Variants in PCDH11X observed in about 807,000 individuals in gnomAD.
The protein encoded by PCDH11X is protocadherin-11 X-linked.
In PCDH11X, 18 loss-of-function variants were observed where a neutral mutation model predicts 53.3. The observed-to-expected ratio is 0.34, with a 90% confidence interval of 0.23 to 0.50. PCDH11X has a LOEUF of 0.50. Among genes scored for constraint, PCDH11X ranks in the 20% least tolerant of loss-of-function variants. The pLI, the probability that PCDH11X is intolerant of heterozygous loss-of-function variation, is 0.98. For missense variants in PCDH11X, 570 were observed against 1,032.4 expected (o/e 0.55, Z 6.14); for synonymous variants, 279 against 393.3 (o/e 0.71, Z 3.44).
intron 8 of PCDH11X, among the ~76,000 whole-genome samples, chrX:92,333,822 A>G (rs1014671125): frequency 9.2e-6 from 1 of 109,246 alleles, no homozygotes; most frequent in Non-Finnish European, 1.9e-5. Flanking sequence ...GAAAAACCAT[A>G]AAGTATTTTA....
intron 9 of PCDH11X, among the ~76,000 whole-genome samples, chrX:92,400,461 T>C (rs2148588072): frequency 9.1e-6 from 1 of 110,269 alleles, no homozygotes; most frequent in African/African-American, 3.3e-5. Flanking sequence ...GGTGCTGGAC[T>C]GTTTTATTTG....
At chrX:91,910,663 G>T (rs1472158647) in intron 6 of PCDH11X, among the ~76,000 whole-genome samples, 19 of 110,802 alleles carry the variant, frequency 1.7e-4, no homozygotes, top group Non-Finnish European at 2.3e-4. Flanking sequence ...TGCAAGTATA[G>T]AAAAACATAT....
chrX:92,187,341 C>A (rs1388835240), intron 6 of PCDH11X, among the ~76,000 whole-genome samples: 2 of 111,800 alleles, frequency 1.8e-5, no homozygotes, highest in Non-Finnish European at 3.8e-5. Context: ...TTACAAAGAC[C>A]CTTGTGATTA....
At position 92,588,515 on chromosome X, in the gene PCDH11X, A is replaced by G. The variant is rs777207225; in HGVS notation, c.3368-29749A>G. On this transcript the variant is annotated intron_variant, in intron 10 of 10. Coordinates refer to ENST00000682573, the MANE Select transcript of PCDH11X (RefSeq NM_032968.5). ...TGGAGTTGAAAAATACAATTGTCATACTAAGAAAGCATTAGTCTTTTAATA... is the reference window on the plus strand; with the variant it reads ...TGGAGTTGAAAAATACAATTGTCATGCTAAGAAAGCATTAGTCTTTTAATA... Among the ~76,000 whole-genome samples, 3 of 107,400 alleles carry G rather than the reference A, an allele frequency of 2.8e-5. No individual in the cohort carries two copies. In the East Asian group the frequency reaches 8.8e-4, roughly 31 times the overall value. The allele number at this position is 107,400 out of a possible 115,157, so 93.3% of individuals were successfully genotyped here.
At chrX:92,518,662 CCTT>C (rs1380907981) in intron 10 of PCDH11X, among the ~76,000 whole-genome samples, 1 of 110,688 alleles carries the variant, frequency 9.0e-6, no homozygotes, top group Non-Finnish European at 1.9e-5. Context: ...CTGTTTAAGA[CCTT>C]CTGCGAGCAT....
intron 10 of PCDH11X, among the ~76,000 whole-genome samples, chrX:92,559,513 A>C (rs771014574): frequency 1.8e-5 from 2 of 110,964 alleles, no homozygotes; most frequent in Admixed American, 9.6e-5. Context: ...ATCATAGTAC[A>C]TGGTTTTAAT....
intron 8 of PCDH11X, among the ~76,000 whole-genome samples, chrX:92,290,234 C>T (rs1270898252): frequency 1.8e-5 from 2 of 111,730 alleles, no homozygotes; most frequent in African/African-American, 6.5e-5. Flanking sequence ...ATAAAATTTG[C>T]TAATTTTTAC....
intron 10 of PCDH11X, among the ~76,000 whole-genome samples, chrX:92,552,995 G>A (rs1193402150): frequency 2.0e-4 from 4 of 19,831 alleles, no homozygotes; most frequent in Non-Finnish European, 3.2e-4. Flanking sequence ...TGCAATTTTC[G>A]TGTGTGTGTG....
chrX:92,445,105 A>G (rs2072606562), intron 9 of PCDH11X, among the ~76,000 whole-genome samples: 1 of 88,938 alleles, frequency 1.1e-5, no homozygotes, highest in South Asian at 5.8e-4. Context: ...TTTCTCCTTG[A>G]TTTTTTGGAA....
intron 6 of PCDH11X, among the ~76,000 whole-genome samples, chrX:92,063,369 TA>T: frequency 9.0e-6 from 1 of 111,459 alleles, no homozygotes; most frequent in Non-Finnish European, 1.9e-5. Context: ...TCAAAATTTT[TA>T]AAAAAATTCT....
chrX:91,802,528 T>C (rs987224992), intron 1 of PCDH11X, among the ~76,000 whole-genome samples: 4 of 111,604 alleles, frequency 3.6e-5, no homozygotes, highest in African/African-American at 1.3e-4. Context: ...AATTTCCATA[T>C]ATTTATTAAT....
intron 7 of PCDH11X, among the ~76,000 whole-genome samples, chrX:92,214,604 C>T (rs1315232127): frequency 1.8e-5 from 2 of 111,724 alleles, no homozygotes; most frequent in African/African-American, 6.5e-5. Flanking sequence ...CGTTTTTTCC[C>T]TCCAATCCCA....
intron 10 of PCDH11X, among the ~76,000 whole-genome samples, chrX:92,528,532 A>G (rs2074500223): frequency 9.0e-6 from 1 of 111,418 alleles, no homozygotes; most frequent in Non-Finnish European, 1.9e-5. Flanking sequence ...ACCTCAGGTG[A>G]TCCACCTGCC....
At chrX:92,386,587 G>A (rs1229402561) in intron 8 of PCDH11X, among the ~76,000 whole-genome samples, 3 of 110,941 alleles carry the variant, frequency 2.7e-5, no homozygotes, top group Non-Finnish European at 5.7e-5. Flanking sequence ...AGTAGGGGGT[G>A]CTCAAATGTC....
At chrX:92,274,525 C>A (rs898744496) in intron 8 of PCDH11X, among the ~76,000 whole-genome samples, 1 of 111,131 alleles carries the variant, frequency 9.0e-6, no homozygotes, top group Non-Finnish European at 1.9e-5. Context: ...GTGAAAGTGT[C>A]TACCTAGACT....
At chrX:92,483,250 C>T (rs2073546354) in intron 10 of PCDH11X, among the ~76,000 whole-genome samples, 1 of 109,728 alleles carries the variant, frequency 9.1e-6, no homozygotes. Flanking sequence ...AACACAGAGA[C>T]ATTGGTTACA....
At chrX:91,951,008 T>C (rs1353462613) in intron 6 of PCDH11X, among the ~76,000 whole-genome samples, 1 of 111,157 alleles carries the variant, frequency 9.0e-6, no homozygotes, top group East Asian at 2.8e-4. Context: ...AAATGAGAAC[T>C]AGACATTTTT....
chrX:92,235,423 A>G (rs2067151434), intron 7 of PCDH11X, among the ~76,000 whole-genome samples: 1 of 111,449 alleles, frequency 9.0e-6, no homozygotes, highest in Non-Finnish European at 1.9e-5. Context: ...AAGGTGGTGT[A>G]GTATAAATAA....
chrX:92,486,070 A>G (rs753097200), intron 10 of PCDH11X, among the ~76,000 whole-genome samples: 3 of 110,517 alleles, frequency 2.7e-5, no homozygotes, highest in Admixed American at 9.7e-5. Flanking sequence ...ATTATGTAAC[A>G]TAACAGTAAC....
Sources: allele counts gnomAD v4.1 joint callset (sites outside exome capture counted in the v4.1 genomes callset), GRCh38; gene constraint gnomAD v4.1.1; transcripts MANE v1.5; gene names NCBI Gene and HGNC (gene_info 2026-07-23, HGNC 2026-07-21).